BRD3: variants seen among roughly 807,000 people sequenced by gnomAD.
The protein encoded by BRD3 is bromodomain containing 3.
A neutral mutation model predicts 66.8 loss-of-function variants in BRD3; 17 were observed. That is an observed-to-expected ratio of 0.25 (90% CI 0.17 to 0.38). BRD3 has a LOEUF of 0.38. Among genes scored for constraint, BRD3 ranks in the 10% least tolerant of loss-of-function variants. BRD3 has a pLI of 1.00. For missense variants in BRD3, 713 were observed against 956.1 expected, an observed-to-expected ratio of 0.75 and a Z score of 3.35; for synonymous variants, 421 against 393.2, an observed-to-expected ratio of 1.07 and a Z score of -0.84.
intron 7 of BRD3, among the ~76,000 whole-genome samples, chr9:134,042,646 T>TACACACAC (rs149487771): frequency 7.4e-6 from 1 of 134,766 alleles, no homozygotes; most frequent in African/African-American, 3.0e-5. Context: ...CAAATATATA[T>TACACACAC]ACACACACAC....
chr9:134,067,199 A>G (rs1402351443), intron 1 of BRD3, among the ~76,000 whole-genome samples: 3 of 152,210 alleles, frequency 2.0e-5, no homozygotes, highest in African/African-American at 7.2e-5. Flanking sequence ...CCTCGCCCGG[A>G]TTAAGCGATT....
chr9:134,033,519 G>A lies in BRD3; in HGVS notation c.*71C>T. ...CACCATGGAACAGAAGTAGTAATAT[G>A]AACCACAGAGGGGTACGGCAGAGTC... On this transcript the variant is annotated 3_prime_UTR_variant, in exon 12 of 12. Coordinates refer to ENST00000303407, the MANE Select transcript of BRD3 (RefSeq NM_007371.4). The surrounding 1 kb of genome is among the most constrained non-coding windows in gnomAD (Gnocchi z 5.1). 3 of 668,656 alleles carry A rather than the reference G, an allele frequency of 4.5e-6. No homozygotes were observed. The South Asian group carries it at 4.9e-5, about 11-fold the overall frequency. 41.4% of individuals were successfully genotyped at this position (668,656 alleles called of 1,614,324 possible).
At chr9:134,048,031 C>T (rs1018343329) in intron 6 of BRD3, 52 bp downstream of exon 6, 26 of 1,495,436 alleles carry the variant, frequency 1.7e-5, no homozygotes, top group African/African-American at 7.0e-5. Flanking sequence ...TCAGCACCCA[C>T]GGCAGAGCCG....
chr9:134,033,808 G>A lies in BRD3; in HGVS notation c.2066-103C>T, dbSNP rs762106669. On this transcript the variant is annotated intron_variant, in intron 11 of 11. Transcript: ENST00000303407. This position sits in a 1 kb window ranked among gnomAD's most constrained non-coding sequence, Gnocchi z 5.1. ...GTGACACCATCACACTGGGTGCCAC[G>A]ACCCACCCACTTCCTGACCCAGTCG... is the stretch of plus-strand genomic sequence containing the variant. The A allele has an allele frequency of 3.9e-5, 24 of 611,306 alleles. No individual in the cohort carries two copies. The highest frequency in any genetic ancestry group is 1.9e-4 in the South Asian group (10 of 53,382). The allele number at this position is 611,306 out of a possible 1,614,324, so 37.9% of individuals were successfully genotyped here.
intron 7 of BRD3, among the ~76,000 whole-genome samples, chr9:134,044,720 CAAAT>C (rs1830132527): frequency 1.3e-5 from 2 of 152,328 alleles, no homozygotes; most frequent in East Asian, 1.9e-4. Context: ...CACACACACA[CAAAT>C]ATCTCTGTGA....
intron 1 of BRD3, among the ~76,000 whole-genome samples, chr9:134,065,838 C>T (rs976064213): frequency 6.6e-6 from 1 of 152,172 alleles, no homozygotes; most frequent in Non-Finnish European, 1.5e-5. Context: ...AGGGCTCCCG[C>T]GGCTGGCATC....
At chr9:134,061,907 T>C (rs996142054) in intron 1 of BRD3, among the ~76,000 whole-genome samples, 3 of 152,146 alleles carry the variant, frequency 2.0e-5, no homozygotes, top group Non-Finnish European at 4.4e-5. Context: ...CCCAGCCTGC[T>C]GCCCCCACAG....
At chr9:134,066,674 G>A (rs977736409) in intron 1 of BRD3, among the ~76,000 whole-genome samples, 2 of 152,236 alleles carry the variant, frequency 1.3e-5, no homozygotes, top group African/African-American at 2.4e-5. Context: ...AGGGTAGGGC[G>A]GGGGAGGACG....
At chr9:134,055,265 C>A (rs1238001652) in intron 1 of BRD3, among the ~76,000 whole-genome samples, 1 of 152,234 alleles carries the variant, frequency 6.6e-6, no homozygotes, top group Non-Finnish European at 1.5e-5. Flanking sequence ...CGGATCAAGT[C>A]ACCGGTCTGC....
In BRD3 at chr9:134,040,145, T is replaced by C. The variant is rs201025736; in HGVS notation, c.1532A>G (p.His511Arg). 2 of 1,564,550 alleles carry C rather than the reference T, an allele frequency of 1.3e-6. No individual in the cohort carries two copies. Among genetic ancestry groups the C allele is most frequent in the Non-Finnish European group, 8.7e-7 (1 of 1,154,962 alleles). Reference sequence around the variant, plus strand: ...CTTCTCTTCCTCGGCCTTCACTTTGTGCTTCTCCTTCTCCTTCTCCTTGTC... The same window carrying C: ...CTTCTCTTCCTCGGCCTTCACTTTGCGCTTCTCCTTCTCCTTCTCCTTGTC... ...KKDKEKEKEK[H>R]KVKAEEEKKA... is the part of the protein sequence containing the mutation. The change falls in exon 9 of 12, where the codon CAC becomes CGC. Residue 511 changes from histidine to arginine, a missense_variant. Around this residue, in one of 5 missense-constraint regions of BRD3, gnomAD observed 418 missense variants for 609.3 expected, o/e 0.69. Coordinates refer to ENST00000303407, the MANE Select transcript of BRD3 (RefSeq NM_007371.4).
At chr9:134,041,205 G>T (rs950299757) in intron 8 of BRD3, among the ~76,000 whole-genome samples, 3 of 152,224 alleles carry the variant, frequency 2.0e-5, no homozygotes, top group Non-Finnish European at 4.4e-5. Context: ...CTGGCTGGCT[G>T]CCAGAGGTCT....
At position 134,045,484 on chromosome 9, in the gene BRD3, C is replaced by A. The variant is rs1297756599; in HGVS notation, c.1087-63G>T. ...CGTGGCATCAGGACTCTCTGCCACA[C>A]CCCACGAGATGAACTCTGGAGCCTC... is the stretch of plus-strand genomic sequence containing the variant. On this transcript the variant is annotated intron_variant, in intron 6 of 11. Transcript: ENST00000303407. The surrounding 1 kb of genome is among the most constrained non-coding windows in gnomAD (Gnocchi z 4.8). 13 of 1,601,700 alleles carry A rather than the reference C, an allele frequency of 8.1e-6. No individual in the cohort carries two copies. The highest frequency in any genetic ancestry group is 1.1e-5 in the Non-Finnish European group (13 of 1,171,744).
chr9:134,047,555 T>G (rs1212585602), intron 6 of BRD3, among the ~76,000 whole-genome samples: 1 of 152,174 alleles, frequency 6.6e-6, no homozygotes, highest in African/African-American at 2.4e-5. Context: ...TTGAGAAGAC[T>G]GGCATGGGGG....
chr9:134,045,544 G>A lies in BRD3; in HGVS notation c.1087-123C>T. On this transcript the variant is annotated intron_variant, in intron 6 of 11. Coordinates refer to ENST00000303407, the MANE Select transcript of BRD3 (RefSeq NM_007371.4). The surrounding 1 kb of genome is among the most constrained non-coding windows in gnomAD (Gnocchi z 4.8). ...TGCCAGCTCCAGGGCAGTGCCTACT[G>A]GCCTGGCCGGCAGGACACCCCAGCT... The A allele has an allele frequency of 7.0e-7, 1 of 1,419,358 alleles. No homozygotes were observed. Among genetic ancestry groups the A allele is most frequent in the East Asian group, 2.3e-5 (1 of 43,474 alleles). 87.9% of individuals were successfully genotyped at this position (1,419,358 alleles called of 1,614,324 possible). A position where few individuals can be genotyped will look rare whatever the true frequency, so the allele number is the denominator to read the frequency against.
intron 3 of BRD3, 21 bp from the exon 4 acceptor site, chr9:134,051,730 G>A (rs1481172504): frequency 2.5e-6 from 4 of 1,581,854 alleles, no homozygotes; most frequent in African/African-American, 2.8e-5. Context: ...AGAGAGTCCA[G>A]GTCACGTGTC....
chr9:134,049,241 C>T (rs1172884708), intron 5 of BRD3, among the ~76,000 whole-genome samples: 1 of 152,148 alleles, frequency 6.6e-6, no homozygotes, highest in Non-Finnish European at 1.5e-5. Context: ...CCTGCAAGGG[C>T]CTCAGCACCC....
chr9:134,060,917 A>G (rs1830528311), intron 1 of BRD3, among the ~76,000 whole-genome samples: 1 of 152,230 alleles, frequency 6.6e-6, no homozygotes, highest in South Asian at 2.1e-4. Flanking sequence ...GAGGACCTGA[A>G]TGAAAAGCAG....
At chr9:134,048,777 G>T (rs574482371) in intron 5 of BRD3, among the ~76,000 whole-genome samples, 21 of 152,322 alleles carry the variant, frequency 1.4e-4, no homozygotes, top group African/African-American at 4.6e-4. Flanking sequence ...CCCAAGCCAT[G>T]TGAGGTGCTG....
chr9:134,059,636 G>A (rs1007272812), intron 1 of BRD3, among the ~76,000 whole-genome samples: 6 of 152,330 alleles, frequency 3.9e-5, no homozygotes, highest in Admixed American at 2.0e-4. Flanking sequence ...ACACCACAGG[G>A]ACCCTGGACA....
Sources: allele counts gnomAD v4.1 joint callset (sites outside exome capture counted in the v4.1 genomes callset), GRCh38; gene constraint gnomAD v4.1.1; regional missense constraint gnomAD v4.1.1; non-coding constraint Gnocchi (gnomAD v3.1); transcripts MANE v1.5; gene names NCBI Gene and HGNC (gene_info 2026-07-23, HGNC 2026-07-21).